The following DEK variants were observed in gnomAD, a reference collection of about 807,000 sequenced individuals.
The protein encoded by DEK is protein DEK.
Under a neutral mutation model 46.8 loss-of-function variants are expected in DEK, and 28 were observed. The observed-to-expected ratio is 0.60, with a 90% CI of 0.44 to 0.82. DEK has a LOEUF of 0.82. Among genes scored for constraint, DEK ranks in the 40% least tolerant of loss-of-function variants. The pLI is 0.00. For missense variants in DEK, 416 were observed against 430.6 expected (o/e 0.97, Z 0.30); for synonymous variants, 160 against 144.5 (o/e 1.11, Z -0.77).
At chr6:18,250,568 CTTTTTTTTTT>C (rs70974716) in intron 6 of DEK, among the ~76,000 whole-genome samples, 4 of 62,818 alleles carry the variant, frequency 6.4e-5, no homozygotes, top group African/African-American at 2.1e-4. Flanking sequence ...GGAGAAAAAC[CTTTTTTTTTT>C]TTTTTTTTTT....
At chr6:18,239,767 T>C (rs937009147) in intron 7 of DEK, among the ~76,000 whole-genome samples, 1 of 152,154 alleles carries the variant, frequency 6.6e-6, no homozygotes, top group African/African-American at 2.4e-5. Context: ...TTGTCGTTTT[T>C]TTATGACGAA....
chr6:18,243,052 T>C (rs1440864450), intron 7 of DEK, among the ~76,000 whole-genome samples: 2 of 152,240 alleles, frequency 1.3e-5, no homozygotes, highest in Non-Finnish European at 2.9e-5. Flanking sequence ...TGATCTGCAG[T>C]TTCAGGCATA....
intron 3 of DEK, 103 bp downstream of exon 3, chr6:18,258,201 A>G: frequency 2.6e-6 from 3 of 1,147,954 alleles, no homozygotes; most frequent in Non-Finnish European, 2.5e-6. Flanking sequence ...AAATTATACC[A>G]AAAGTATAAA....
intron 9 of DEK, among the ~76,000 whole-genome samples, chr6:18,235,575 ATC>A (rs1325445976): frequency 6.6e-6 from 1 of 152,216 alleles, no homozygotes; most frequent in Admixed American, 6.5e-5. Flanking sequence ...TAAAATATTT[ATC>A]TCTTTCCATC....
chr6:18,248,903 G>C (rs533462989), intron 7 of DEK, among the ~76,000 whole-genome samples: 1 of 152,156 alleles, frequency 6.6e-6, no homozygotes, highest in Non-Finnish European at 1.5e-5. Context: ...AGGCAAGGTT[G>C]ATTACCCAAT....
At chr6:18,226,027 GAAGA>G in intron 10 of DEK, 143 bp downstream of exon 10, 19 of 840,588 alleles carry the variant, frequency 2.3e-5, no homozygotes, top group Non-Finnish European at 3.2e-5. Flanking sequence ...GTGGGAATGA[GAAGA>G]AATAAATTTC....
At chr6:18,236,731 CT>C (rs1447911572) in intron 8 of DEK, 131 bp from the exon 9 acceptor site, 1 of 550,322 alleles carries the variant, frequency 1.8e-6, no homozygotes, top group African/African-American at 2.0e-5. Context: ...AATCACTACT[CT>C]ACAGTTACCT....
chr6:18,263,943 G>C lies in DEK; in HGVS notation c.45C>G (p.Thr15=), dbSNP rs1028251403. 1.9e-6 allele frequency: 3 copies of C among 1,613,330 alleles called. No homozygotes were observed. Among genetic ancestry groups the C allele is most frequent in the South Asian group, 1.1e-5 (1 of 91,008 alleles). ...APAAEGEGTP[T]QPASEKEPEM... is the part of the protein sequence containing the mutation. ...CGGGTTCTTTCTCGGACGCGGGCTG[G>C]GTGGGGGTTCCCTCCCCCTCCGCAG... The change falls in exon 2 of 11, where the codon ACC becomes ACG. Residue 15 remains threonine, a synonymous_variant. Coordinates refer to ENST00000652689, the MANE Select transcript of DEK (RefSeq NM_003472.4).
chr6:18,231,268 A>G (rs1043633250), intron 9 of DEK, among the ~76,000 whole-genome samples: 1 of 152,226 alleles, frequency 6.6e-6, no homozygotes, highest in African/African-American at 2.4e-5. Flanking sequence ...AGAAAGCAGG[A>G]AAGATCTAAA....
chr6:18,228,922 C>A (rs1790267977), intron 9 of DEK, among the ~76,000 whole-genome samples: 1 of 152,216 alleles, frequency 6.6e-6, no homozygotes, highest in Non-Finnish European at 1.5e-5. Context: ...GGCCTGACTG[C>A]CTCTGTAGAC....
intron 9 of DEK, among the ~76,000 whole-genome samples, chr6:18,233,789 G>A (rs1790520153): frequency 6.6e-6 from 1 of 152,114 alleles, no homozygotes. Flanking sequence ...ACAGTGTGGC[G>A]ATTCCTCAAG....
At chr6:18,240,317 T>A (rs1402822957) in intron 7 of DEK, among the ~76,000 whole-genome samples, 1 of 152,244 alleles carries the variant, frequency 6.6e-6, no homozygotes, top group African/African-American at 2.4e-5. Flanking sequence ...AGGCCTGTCA[T>A]CTATTAAAAT....
intron 9 of DEK, 70 bp from the exon 10 acceptor site, chr6:18,226,312 A>G: frequency 8.1e-7 from 1 of 1,231,176 alleles, no homozygotes; most frequent in Non-Finnish European, 1.1e-6. Flanking sequence ...GTCTTTGAAT[A>G]AAAGCAGGAA....
At chr6:18,241,567 G>A (rs1043610879) in intron 7 of DEK, among the ~76,000 whole-genome samples, 2 of 152,172 alleles carry the variant, frequency 1.3e-5, no homozygotes, top group Non-Finnish European at 2.9e-5. Context: ...GGGTGTTACA[G>A]CCAAACATCC....
intron 7 of DEK, among the ~76,000 whole-genome samples, chr6:18,246,487 C>G (rs1391960810): frequency 6.6e-6 from 1 of 152,196 alleles, no homozygotes; most frequent in Non-Finnish European, 1.5e-5. Flanking sequence ...AAACCTCAAA[C>G]AAGTGCTTTA....
intron 9 of DEK, among the ~76,000 whole-genome samples, chr6:18,229,386 A>C (rs1484611943): frequency 6.6e-6 from 1 of 152,234 alleles, no homozygotes; most frequent in Non-Finnish European, 1.5e-5. Flanking sequence ...ACGGAGAATG[A>C]CTTTGATGAG....
intron 6 of DEK, among the ~76,000 whole-genome samples, chr6:18,253,949 T>C (rs971081842): frequency 1.3e-5 from 2 of 152,076 alleles, no homozygotes; most frequent in Non-Finnish European, 2.9e-5. Context: ...GTGATCCACC[T>C]GCCTCGGCCT....
At chr6:18,249,942 A>G in intron 6 of DEK, 103 bp from the exon 7 acceptor site, 1 of 1,435,204 alleles carries the variant, frequency 7.0e-7, no homozygotes, top group Non-Finnish European at 9.1e-7. Flanking sequence ...CTCTCAAGAA[A>G]TTGTATTTAC....
intron 9 of DEK, among the ~76,000 whole-genome samples, chr6:18,231,635 G>C (rs145945816): frequency 6.6e-6 from 1 of 152,050 alleles, no homozygotes; most frequent in Non-Finnish European, 1.5e-5. Flanking sequence ...ATAAATTCCT[G>C]GACACATACA....
Sources: gnomAD v4.1 joint callset for allele counts (sites outside exome capture counted in the v4.1 genomes callset) on GRCh38, gnomAD v4.1.1 for gene constraint, MANE v1.5 for transcripts, NCBI Gene and HGNC (gene_info 2026-07-23, HGNC 2026-07-21) for gene names.